BID: variants seen among roughly 807,000 people sequenced by gnomAD.
BID encodes the protein BH3 interacting domain death agonist.
Under a neutral mutation model 17.4 loss-of-function variants are expected in BID, and 19 were observed. That is an observed-to-expected ratio of 1.09 (90% CI 0.76 to 1.60). BID has a LOEUF of 1.60. Ranked by LOEUF, BID falls within the 40% of genes most tolerant of loss-of-function variation. The pLI, the probability that BID is intolerant of heterozygous loss-of-function variation, is 0.00. For synonymous variants in BID, 108 were observed against 102.8 expected (o/e 1.05, Z -0.31); for missense variants, 226 against 256.0 (o/e 0.88, Z 0.80).
At chr22:17,758,102 C>T (rs183115042) in intron 1 of BID, among the ~76,000 whole-genome samples, 8 of 152,236 alleles carry the variant, frequency 5.3e-5, no homozygotes, top group East Asian at 1.9e-4. Flanking sequence ...TTGAAGGTAA[C>T]GGGGTCCAGT....
chr22:17,771,122 C>T (rs113584863), intron 1 of BID, among the ~76,000 whole-genome samples: 1 of 151,936 alleles, frequency 6.6e-6, no homozygotes, highest in African/African-American at 2.4e-5. Context: ...TTTTTTGAGA[C>T]GGAGTCTCGC....
chr22:17,743,916 A>G lies in BID; in HGVS notation c.110T>C (p.Leu37Pro). Residue 37 changes from leucine (L) to proline (P), a missense_variant, in exon 3 of 6, where the codon CTG becomes CCG. Transcript: ENST00000622694. The part of the protein sequence containing the change: ...SCSDNSFRRE[L>P]DALGHELPVL... ...TGGCAGCTCGTGGCCCAGTGCGTCC[A>G]GCTCTCTGCGGAAGCTGTTGTCAGA... The G allele has an allele frequency of 6.2e-7, 1 of 1,613,808 alleles. No homozygotes were observed. Among genetic ancestry groups the G allele is most frequent in the Non-Finnish European group, 8.5e-7 (1 of 1,180,024 alleles).
At position 17,739,909 on chromosome 22, in the gene BID, T is replaced by C. The variant is rs973163998; in HGVS notation, c.224-421A>G. 19 of 723,948 alleles carry C rather than the reference T, an allele frequency of 2.6e-5. No homozygotes were observed. In the African/African-American group the frequency reaches 2.8e-4, roughly 11 times the overall value. 44.8% of individuals were successfully genotyped at this position (723,948 alleles called of 1,614,324 possible). A position where few individuals can be genotyped will look rare whatever the true frequency, so the allele number is the denominator to read the frequency against. On this transcript the variant is annotated intron_variant, in intron 3 of 5. Coordinates refer to ENST00000622694, the MANE Select transcript of BID (RefSeq NM_001196.4). ...GCATCCCAGACCCACTTTTGCCCTCTCAAGCCTGAGAGCCCCCATTCCTCG... is the reference window on the plus strand; with the variant it reads ...GCATCCCAGACCCACTTTTGCCCTCCCAAGCCTGAGAGCCCCCATTCCTCG...
chr22:17,748,887 G>T (rs189235353), intron 2 of BID, among the ~76,000 whole-genome samples: 10 of 152,382 alleles, frequency 6.6e-5, no homozygotes, highest in African/African-American at 2.4e-4. Context: ...TTTGGACACT[G>T]ACAACAAGCC....
chr22:17,745,897 T>A (rs757468248), intron 2 of BID, among the ~76,000 whole-genome samples: 6 of 151,228 alleles, frequency 4.0e-5, no homozygotes, highest in Non-Finnish European at 8.8e-5. Context: ...ACCCGGGAGG[T>A]GGAGGTTGCA....
In BID at chr22:17,773,616, C is replaced by T. The variant is rs761236980; in HGVS notation, c.-59+765G>A. ...CAGCCCCCAGCCCACTTACAGAATC[C>T]GCACTGTGCTCCTCCAGCCGGCCCG... On this transcript the variant is annotated intron_variant, in intron 1 of 5. Coordinates refer to ENST00000622694, the MANE Select transcript of BID (RefSeq NM_001196.4). This position sits in a 1 kb window ranked among gnomAD's most constrained non-coding sequence, Gnocchi z 4.4. The T allele has an allele frequency of 5.6e-5, 91 of 1,612,542 alleles. No homozygotes were observed. The highest frequency in any genetic ancestry group is 3.4e-6 in the Non-Finnish European group (4 of 1,179,984).
At chr22:17,757,708 C>CAA (rs34700137) in intron 1 of BID, among the ~76,000 whole-genome samples, 39 of 94,912 alleles carry the variant, frequency 4.1e-4, no homozygotes, top group African/African-American at 7.8e-4. Context: ...GACTCCGTCT[C>CAA]AAAAAAAAAA....
chr22:17,746,245 G>A lies in BID; in HGVS notation c.13-2232C>T, dbSNP rs150305184. Among the ~76,000 whole-genome samples the A allele has an allele frequency of 3.8e-3, 580 of 152,120 alleles. 5 individuals are homozygous for A. The highest frequency in any genetic ancestry group is 0.013 in the African/African-American group (556 of 41,454). On this transcript the variant is annotated intron_variant, in intron 2 of 5. Coordinates refer to ENST00000622694, the MANE Select transcript of BID (RefSeq NM_001196.4). ...AGTAGGGAGGCGGGGGCGGGGGAGC[G>A]CAGAAAGAGTCCCTCTCCATGCGAT...
intron 1 of BID, among the ~76,000 whole-genome samples, chr22:17,765,855 A>G (rs2061674400): frequency 6.6e-6 from 1 of 152,232 alleles, no homozygotes; most frequent in African/African-American, 2.4e-5. Context: ...AAGAAAAGAC[A>G]TAGCTTTTTA....
intron 5 of BID, among the ~76,000 whole-genome samples, chr22:17,736,800 G>A (rs539999055): frequency 6.6e-6 from 1 of 151,612 alleles, no homozygotes; most frequent in South Asian, 2.1e-4. Context: ...ACGCCACCAT[G>A]CTCAGCTAAT....
chr22:17,751,466 TGTGTGTGTGC>T (rs1261014428), intron 1 of BID, among the ~76,000 whole-genome samples: 1 of 151,994 alleles, frequency 6.6e-6, no homozygotes. Context: ...CCTGTGTGTG[TGTGTGTGTGC>T]GTGTGTGTGT....
At chr22:17,763,152 C>T (rs79383237) in intron 1 of BID, among the ~76,000 whole-genome samples, 5,398 of 152,294 alleles carry the variant, frequency 0.035, 312 homozygotes, top group East Asian at 0.29. Context: ...GCTGGCATTA[C>T]AGGCGTGAGA....
rs2061408508 is a variant in BID, at chr22:17,734,826, G to T, written c.*754C>A. ...TTGATGTCATGGAAAGAGAAAAAGT[G>T]TATGCAGTTAGTTACCTGATTTTGT... On this transcript the variant is annotated 3_prime_UTR_variant, in exon 6 of 6. Coordinates refer to ENST00000622694, the MANE Select transcript of BID (RefSeq NM_001196.4). The T allele has an allele frequency of 6.6e-6, 1 of 152,204 alleles. No individual in the cohort carries two copies. The highest frequency in any genetic ancestry group is 1.5e-5 in the Non-Finnish European group (1 of 68,032). 9.4% of individuals were successfully genotyped at this position (152,204 alleles called of 1,614,324 possible).
chr22:17,757,364 C>T (rs112255765), intron 1 of BID, among the ~76,000 whole-genome samples: 3,382 of 137,624 alleles, frequency 0.025, 149 homozygotes, highest in African/African-American at 0.088. Flanking sequence ...GATCACGCCA[C>T]TGCACTCCAG....
intron 3 of BID, among the ~76,000 whole-genome samples, chr22:17,742,614 C>T (rs375882618): frequency 5.7e-4 from 87 of 152,118 alleles, no homozygotes; most frequent in African/African-American, 2.0e-3. Flanking sequence ...GCAGTGCAAC[C>T]CTTGAGCTTG....
intron 1 of BID, among the ~76,000 whole-genome samples, chr22:17,770,029 G>A (rs1055327004): frequency 1.3e-5 from 2 of 152,060 alleles, no homozygotes; most frequent in Non-Finnish European, 2.9e-5. Flanking sequence ...AGGGCCCTTC[G>A]TGCCACTGGC....
At chr22:17,742,525 G>C (rs553571913) in intron 3 of BID, among the ~76,000 whole-genome samples, 1 of 98,588 alleles carries the variant, frequency 1.0e-5, no homozygotes, top group African/African-American at 4.1e-5. Flanking sequence ...CTCCAGCCAC[G>C]TCCTCAAGCA....
At chr22:17,742,559 C>CGGG (rs1471568682) in intron 3 of BID, among the ~76,000 whole-genome samples, 1 of 129,496 alleles carries the variant, frequency 7.7e-6, no homozygotes, top group African/African-American at 2.9e-5. Flanking sequence ...AGGCGGGAGG[C>CGGG]AGAAGGCTGG....
At position 17,743,701 on chromosome 22, in the gene BID, G is replaced by A. The variant is rs1005167241; in HGVS notation, c.223+102C>T. On this transcript the variant is annotated intron_variant, in intron 3 of 5. Coordinates refer to ENST00000622694, the MANE Select transcript of BID (RefSeq NM_001196.4). Reference sequence around the variant, plus strand: ...GTACGTGGCAGCTGAAACTGCAGAGGCAGAGTGATCCCGGGGGTCCCTTCC... The same window carrying A: ...GTACGTGGCAGCTGAAACTGCAGAGACAGAGTGATCCCGGGGGTCCCTTCC... 2.4e-6 allele frequency: 3 copies of A among 1,233,270 alleles called. No homozygotes were observed. The African/African-American group carries it at 4.5e-5, about 19-fold the overall frequency. The allele number at this position is 1,233,270 out of a possible 1,614,324, so 76.4% of individuals were successfully genotyped here.
Sources: allele counts gnomAD v4.1 joint callset (sites outside exome capture counted in the v4.1 genomes callset), GRCh38; gene constraint gnomAD v4.1.1; non-coding constraint Gnocchi (gnomAD v3.1); transcripts MANE v1.5; gene names NCBI Gene and HGNC (gene_info 2026-07-23, HGNC 2026-07-21).